The following MRPS15 variants were observed in gnomAD, a reference collection of about 807,000 sequenced individuals.
MRPS15 encodes the protein small ribosomal subunit protein uS15m.
In MRPS15, 25 loss-of-function variants were observed where a neutral mutation model predicts 30.7. The ratio of observed to expected loss-of-function variants is 0.81; its 90% confidence interval spans 0.59 to 1.14. MRPS15 has a LOEUF of 1.14. Among genes scored for constraint, MRPS15 ranks in the 50% most tolerant of loss-of-function variants. The pLI is 0.00. For synonymous variants in MRPS15, 124 were observed against 120.1 expected (o/e 1.03, Z -0.21); for missense variants, 313 against 321.7 (o/e 0.97, Z 0.21).
chr1:36,462,060 C>T lies in MRPS15; in HGVS notation c.251+28G>A, dbSNP rs760639274. 28 of 1,599,012 alleles carry T rather than the reference C, an allele frequency of 1.8e-5. No individual in the cohort carries two copies. In the Admixed American group the frequency reaches 1.8e-4, roughly 11 times the overall value. On this transcript the variant is annotated intron_variant, in intron 3 of 7. Coordinates refer to ENST00000373116, the MANE Select transcript of MRPS15 (RefSeq NM_031280.4). ...CGACAATCCTCCCAGGGCCCCCTGC[C>T]TCCTCTACTAGGTTTCTTCCTGCTT...
Position 36,458,224 on chromosome 1 carries a change from T to C in MRPS15, c.386-243A>G. 2.2e-6 allele frequency: 1 copy of C among 456,208 alleles called. No individual in the cohort carries two copies. The highest frequency in any genetic ancestry group is 3.9e-6 in the Non-Finnish European group (1 of 254,806). 28.3% of individuals were successfully genotyped at this position (456,208 alleles called of 1,614,324 possible). ...TTATAAAGATATCATCCAAAAATCA[T>C]AGCAAATAGCATTCTTTTTTTTGAG... On this transcript the variant is annotated intron_variant, in intron 5 of 7. Coordinates refer to ENST00000373116, the MANE Select transcript of MRPS15 (RefSeq NM_031280.4). This position sits in a 1 kb window ranked among gnomAD's most constrained non-coding sequence, Gnocchi z 4.5.
At chr1:36,463,928 G>A (rs1427544889) in intron 1 of MRPS15, 78 bp from the exon 2 acceptor site, 2 of 1,545,354 alleles carry the variant, frequency 1.3e-6, no homozygotes, top group Admixed American at 1.9e-5. Context: ...CCCTCGCATT[G>A]CCCGTCCGCC....
intron 3 of MRPS15, among the ~76,000 whole-genome samples, chr1:36,461,879 CA>C (rs1216749665): frequency 1.3e-5 from 2 of 152,122 alleles, no homozygotes; most frequent in South Asian, 2.1e-4. Context: ...ATCTAGAGTA[CA>C]AAAAAACCCC....
rs376585999 is a variant in MRPS15, at chr1:36,457,969, G to C, written c.398C>G (p.Ser133Cys). The change falls in exon 6 of 8, where the codon TCT (serine) becomes TGT (cysteine). Residue 133 changes from serine to cysteine, a missense_variant. Ser to Cys is a moderately radical substitution (Grantham distance 112). Coordinates refer to ENST00000373116, the MANE Select transcript of MRPS15 (RefSeq NM_031280.4). ...TTCTTCATAACTGCGGATCTTGACA[G>C]ACAAGGCAATAACTGAAACCACAAA... Reference protein sequence around the residue: ...RSLEARIIALSVKIRSYEEHL... With the variant: ...RSLEARIIALCVKIRSYEEHL... 1 of 1,614,106 alleles carries C rather than the reference G, an allele frequency of 6.2e-7. No individual in the cohort carries two copies. The highest frequency in any genetic ancestry group is 8.5e-7 in the Non-Finnish European group (1 of 1,180,040).
chr1:36,463,883 C>A, intron 1 of MRPS15, 33 bp from the exon 2 acceptor site: 1 of 1,598,996 alleles, frequency 6.3e-7, no homozygotes, highest in Non-Finnish European at 8.5e-7. Flanking sequence ...AGGACCATCT[C>A]CTTAAATAGC....
At chr1:36,461,187 C>T (rs1049223751) in intron 4 of MRPS15, 77 bp downstream of exon 4, 34 of 1,331,926 alleles carry the variant, frequency 2.6e-5, no homozygotes, top group Middle Eastern at 2.0e-4. Flanking sequence ...GCATGAGATG[C>T]GGGGTGCTAA....
chr1:36,458,064 G>A lies in MRPS15; in HGVS notation c.386-83C>T, dbSNP rs1470450137. On this transcript the variant is annotated intron_variant, in intron 5 of 7. Coordinates refer to ENST00000373116, the MANE Select transcript of MRPS15 (RefSeq NM_031280.4). This position sits in a 1 kb window ranked among gnomAD's most constrained non-coding sequence, Gnocchi z 4.5. The stretch of plus-strand genomic sequence containing the variant: ...CCTGGTTTACGTTTTAAGAACTCAA[G>A]GAATAACAATCACCAATGCTCTGTA... The A allele has an allele frequency of 1.7e-6, 2 of 1,167,398 alleles. No homozygotes were observed. Among genetic ancestry groups the A allele is most frequent in the Non-Finnish European group, 2.6e-6 (2 of 772,780 alleles). 72.3% of individuals were successfully genotyped at this position (1,167,398 alleles called of 1,614,324 possible).
At chr1:36,457,802 G>T in intron 6 of MRPS15, 121 bp downstream of exon 6, 1 of 892,706 alleles carries the variant, frequency 1.1e-6, no homozygotes, top group Non-Finnish European at 1.8e-6. Context: ...TCCTCTGGAG[G>T]CAGGAGGGAA....
intron 6 of MRPS15, among the ~76,000 whole-genome samples, chr1:36,457,265 G>A (rs914695272): frequency 1.4e-5 from 2 of 142,418 alleles, no homozygotes; most frequent in Non-Finnish European, 3.0e-5. Flanking sequence ...GACAGAGCAA[G>A]GCTCCATCTC....
chr1:36,456,582 A>G, intron 6 of MRPS15: 1 of 555,728 alleles, frequency 1.8e-6, no homozygotes, highest in South Asian at 2.4e-5. Flanking sequence ...TGATTCACAA[A>G]AGGTCTTTAG....
chr1:36,461,772 G>A (rs1650103985), intron 3 of MRPS15, among the ~76,000 whole-genome samples: 1 of 152,044 alleles, frequency 6.6e-6, no homozygotes, highest in Admixed American at 6.6e-5. Flanking sequence ...CTATAAAATG[G>A]GGACATACAG....
At chr1:36,456,140 C>T in intron 7 of MRPS15, 47 bp downstream of exon 7, 1 of 1,564,296 alleles carries the variant, frequency 6.4e-7, no homozygotes, top group Non-Finnish European at 8.7e-7. Flanking sequence ...CTTCCTCCAT[C>T]CCAGTCCCTG....
At chr1:36,456,161 A>G in intron 7 of MRPS15, 26 bp downstream of exon 7, 1 of 1,583,922 alleles carries the variant, frequency 6.3e-7, no homozygotes, top group Non-Finnish European at 8.6e-7. Context: ...AGTGGGGCCA[A>G]GCAAAGCCGC....
intron 7 of MRPS15, 77 bp downstream of exon 7, chr1:36,456,110 C>A: frequency 6.6e-7 from 1 of 1,524,798 alleles, no homozygotes; most frequent in Non-Finnish European, 8.8e-7. Flanking sequence ...CTAACAGAAA[C>A]AGATGATCCC....
In MRPS15 at chr1:36,456,181, T is replaced by C. The variant is rs1649989512; in HGVS notation, c.636+6A>G. On this transcript the variant is annotated splice_donor_region_variant and intron_variant, in intron 7 of 7. Transcript: ENST00000373116. ...GGCCAAGCAAAGCCGCAATTCTGAC[T>C]CGTACCCGAATGCACAGAGCCTTCT... 6.3e-7 allele frequency: 1 copy of C among 1,599,536 alleles called. No homozygotes were observed.
chr1:36,464,100 G>A, intron 1 of MRPS15, 46 bp downstream of exon 1: 1 of 1,439,058 alleles, frequency 6.9e-7, no homozygotes, highest in Non-Finnish European at 9.4e-7. Flanking sequence ...TATCTTCGCC[G>A]AACCCTGTTT....
Position 36,464,143 on chromosome 1 carries a change from C to G in MRPS15, c.130+3G>C. 1 of 1,612,168 alleles carries G rather than the reference C, an allele frequency of 6.2e-7. No individual in the cohort carries two copies. The highest frequency in any genetic ancestry group is 1.1e-5 in the South Asian group (1 of 90,920). On this transcript the variant is annotated splice_donor_region_variant and intron_variant, in intron 1 of 7. Coordinates refer to ENST00000373116, the MANE Select transcript of MRPS15 (RefSeq NM_031280.4). ...CCCGCCGTCCCATTTCTCAGCTCCTCACTTCGAGGCTGCAGGCCCCACTGG... is the reference window on the plus strand; with the variant it reads ...CCCGCCGTCCCATTTCTCAGCTCCTGACTTCGAGGCTGCAGGCCCCACTGG...
chr1:36,455,994 G>A, intron 7 of MRPS15, 69 bp from the exon 8 acceptor site: 1 of 1,572,462 alleles, frequency 6.4e-7, no homozygotes, highest in East Asian at 2.2e-5. Context: ...GAACAAGTGG[G>A]ATGGGAACTA....
intron 4 of MRPS15, 83 bp from the exon 5 acceptor site, chr1:36,460,859 ACAGTTATAGCAACTAGGGCCATAAGGCT>A: frequency 8.6e-7 from 1 of 1,164,398 alleles, no homozygotes; most frequent in Non-Finnish European, 1.3e-6. Context: ...GGCCCTGGCT[ACAGTTATAGCAACTAGGGCCATAAGGCT>A]CAGGGCCTGA....
Sources: allele counts gnomAD v4.1 joint callset (sites outside exome capture counted in the v4.1 genomes callset), GRCh38; gene constraint gnomAD v4.1.1; non-coding constraint Gnocchi (gnomAD v3.1); transcripts MANE v1.5; gene names NCBI Gene and HGNC (gene_info 2026-07-23, HGNC 2026-07-21).